Variants in MAD1L1 observed in about 807,000 individuals in gnomAD.
MAD1L1 encodes mitotic arrest deficient 1 like 1.
In MAD1L1, 95 loss-of-function variants were observed where a neutral mutation model predicts 96.9. The observed-to-expected ratio is 0.98, with a 90% CI of 0.83 to 1.16. The LOEUF (loss-of-function observed/expected upper bound fraction) is 1.16. Ranked by LOEUF, MAD1L1 falls within the 50% of genes most tolerant of loss-of-function variation. The pLI is 0.00. For synonymous variants in MAD1L1, 473 were observed against 396.6 expected (o/e 1.19, Z -2.29); for missense variants, 1,007 against 954.4 (o/e 1.06, Z -0.73).
chr7:2,207,239 A>G (rs1474812822), intron 10 of MAD1L1, among the ~76,000 whole-genome samples: 1 of 152,132 alleles, frequency 6.6e-6, no homozygotes, highest in African/African-American at 2.4e-5. Flanking sequence ...GATACTCTGA[A>G]ATATATATTT....
chr7:2,166,437 A>C (rs1272531667), intron 10 of MAD1L1, among the ~76,000 whole-genome samples: 1 of 152,220 alleles, frequency 6.6e-6, no homozygotes, highest in African/African-American at 2.4e-5. Flanking sequence ...GGATGCCAGA[A>C]CATTCCTGAT....
At chr7:2,090,958 G>A (rs974468252) in intron 11 of MAD1L1, among the ~76,000 whole-genome samples, 1 of 152,292 alleles carries the variant, frequency 6.6e-6, no homozygotes, top group African/African-American at 2.4e-5. Context: ...CCGGAGGGAG[G>A]AGCTGCATCT....
intron 16 of MAD1L1, among the ~76,000 whole-genome samples, chr7:1,953,033 TC>T (rs1779572349): frequency 6.6e-6 from 1 of 152,074 alleles, no homozygotes; most frequent in Admixed American, 6.5e-5. Flanking sequence ...CGCGGCCCTC[TC>T]CCAGGGCAGC....
chr7:2,107,141 G>A (rs958872778), intron 11 of MAD1L1, among the ~76,000 whole-genome samples: 1 of 152,226 alleles, frequency 6.6e-6, no homozygotes, highest in African/African-American at 2.4e-5. Flanking sequence ...GAAGGAGGCA[G>A]GGCCAACATC....
chr7:1,977,811 G>A (rs1440832558), intron 15 of MAD1L1, among the ~76,000 whole-genome samples: 3 of 152,248 alleles, frequency 2.0e-5, no homozygotes, highest in African/African-American at 7.2e-5. Flanking sequence ...GCGGGGAGCC[G>A]TGCAGCGTGA....
At chr7:1,823,920 G>A (rs1041991030) in intron 18 of MAD1L1, among the ~76,000 whole-genome samples, 19 of 151,140 alleles carry the variant, frequency 1.3e-4, no homozygotes, top group Admixed American at 3.9e-4. Flanking sequence ...TTGGTGTGCT[G>A]CAAGCGCCGC....
chr7:2,062,096 G>C (rs1784683777), intron 12 of MAD1L1, among the ~76,000 whole-genome samples: 1 of 151,186 alleles, frequency 6.6e-6, no homozygotes, highest in South Asian at 2.1e-4. Flanking sequence ...AAAAAAATTA[G>C]CTGGGTATAG....
chr7:1,997,707 G>A (rs1023262817), intron 14 of MAD1L1, among the ~76,000 whole-genome samples: 1 of 152,256 alleles, frequency 6.6e-6, no homozygotes, highest in African/African-American at 2.4e-5. Context: ...AGCCCAGTGC[G>A]GTGGCGGGGG....
At chr7:2,222,110 G>A (rs775367527) in intron 5 of MAD1L1, among the ~76,000 whole-genome samples, 20 of 148,760 alleles carry the variant, frequency 1.3e-4, no homozygotes, top group Non-Finnish European at 2.7e-4. Flanking sequence ...GTCTTGCTGT[G>A]TTGCCCAGGC....
intron 18 of MAD1L1, among the ~76,000 whole-genome samples, chr7:1,844,410 C>T (rs761312289): frequency 7.9e-5 from 12 of 152,062 alleles, no homozygotes; most frequent in East Asian, 1.9e-4. Flanking sequence ...TGGGGAGAGA[C>T]GCCGGTTGGG....
chr7:2,069,508 G>T (rs1388398829), intron 11 of MAD1L1, among the ~76,000 whole-genome samples, 170 bp from the exon 12 acceptor site: 1 of 152,196 alleles, frequency 6.6e-6, no homozygotes, highest in Non-Finnish European at 1.5e-5. Flanking sequence ...GGCCTTTCAG[G>T]AGTTTCTGGA....
At chr7:1,872,271 C>A (rs555869498) in intron 18 of MAD1L1, among the ~76,000 whole-genome samples, 2 of 152,340 alleles carry the variant, frequency 1.3e-5, no homozygotes, top group Admixed American at 6.5e-5. Flanking sequence ...CGGGGCCACA[C>A]TGGGGCTGCC....
intron 10 of MAD1L1, among the ~76,000 whole-genome samples, chr7:2,181,253 A>T (rs1267132496): frequency 6.6e-6 from 1 of 152,256 alleles, no homozygotes; most frequent in Non-Finnish European, 1.5e-5. Context: ...CAACTCTGGA[A>T]TCAGATTCTC....
intron 10 of MAD1L1, among the ~76,000 whole-genome samples, chr7:2,183,150 CT>C (rs1791283712): frequency 6.6e-6 from 1 of 151,512 alleles, no homozygotes; most frequent in Non-Finnish European, 1.5e-5. Context: ...GAGTTAGAGG[CT>C]GCTGTGAACT....
chr7:2,111,274 G>A (rs868045268), intron 11 of MAD1L1, among the ~76,000 whole-genome samples: 30 of 152,290 alleles, frequency 2.0e-4, no homozygotes, highest in African/African-American at 7.0e-4. Context: ...CTCAGAGCCC[G>A]CAGGCGCCTC....
At chr7:2,015,077 C>A (rs1030591090) in intron 12 of MAD1L1, among the ~76,000 whole-genome samples, 61 of 152,228 alleles carry the variant, frequency 4.0e-4, no homozygotes, top group African/African-American at 1.5e-3. Context: ...GTCCCAGTCA[C>A]ACTGGGCCCA....
chr7:2,126,592 C>A (rs1449671287), intron 11 of MAD1L1, among the ~76,000 whole-genome samples: 3 of 152,214 alleles, frequency 2.0e-5, no homozygotes, highest in African/African-American at 7.2e-5. Flanking sequence ...ATGCCGCCAG[C>A]CTTCCTTGGG....
At chr7:2,102,731 C>T (rs1029614604) in intron 11 of MAD1L1, among the ~76,000 whole-genome samples, 4 of 151,840 alleles carry the variant, frequency 2.6e-5, no homozygotes, top group Admixed American at 2.6e-4. Flanking sequence ...CACGTCCCCA[C>T]CATCACCACT....
chr7:2,142,863 C>G lies in MAD1L1; in HGVS notation c.1073+6289G>C, dbSNP rs1221282916. Among the ~76,000 whole-genome samples, 2 of 152,202 alleles carry G rather than the reference C, an allele frequency of 1.3e-5. No individual in the cohort carries two copies. Among genetic ancestry groups the G allele is most frequent in the African/African-American group, 4.8e-5 (2 of 41,450 alleles). On this transcript the variant is annotated intron_variant, in intron 11 of 18. Transcript: ENST00000265854. The surrounding 1 kb of genome is among the most constrained non-coding windows in gnomAD (Gnocchi z 4.7). ...AAGGGCAGGCCAGAACTGGCCATCCCGATGTGCTCTCTCACCCACACTGAT... is the reference window on the plus strand; with the variant it reads ...AAGGGCAGGCCAGAACTGGCCATCCGGATGTGCTCTCTCACCCACACTGAT...
Sources: gnomAD v4.1 joint callset for allele counts (sites outside exome capture counted in the v4.1 genomes callset) on GRCh38, gnomAD v4.1.1 for gene constraint, Gnocchi (gnomAD v3.1) non-coding constraint, MANE v1.5 for transcripts, NCBI Gene and HGNC (gene_info 2026-07-23, HGNC 2026-07-21) for gene names.